The following SFMBT2 variants were observed in gnomAD, a reference collection of about 807,000 sequenced individuals.
SFMBT2 encodes the protein scm-like with four MBT domains protein 2.
In SFMBT2, 38 loss-of-function variants were observed where a neutral mutation model predicts 110.1. The observed-to-expected ratio is 0.35, with a 90% CI of 0.27 to 0.45. The LOEUF (loss-of-function observed/expected upper bound fraction) is 0.45, where lower values mean the gene tolerates loss of function less well. SFMBT2 is among the 20% of genes least tolerant of loss of function. The pLI is 1.00. For synonymous variants in SFMBT2, 425 were observed against 425.4 expected, an observed-to-expected ratio of 1.00 and a Z score of 0.01; for missense variants, 1,011 against 1,094.9, an observed-to-expected ratio of 0.92 and a Z score of 1.08.
chr10:7,231,947 A>G (rs1332832829), intron 9 of SFMBT2, among the ~76,000 whole-genome samples: 1 of 152,240 alleles, frequency 6.6e-6, no homozygotes, highest in African/African-American at 2.4e-5. Flanking sequence ...TCATTAATCA[A>G]CAAAGACAGA....
chr10:7,217,861 T>C (rs1229187693), intron 11 of SFMBT2, among the ~76,000 whole-genome samples: 1 of 152,232 alleles, frequency 6.6e-6, no homozygotes, highest in Non-Finnish European at 1.5e-5. Flanking sequence ...GGCCCCATCA[T>C]CATCAGTCAC....
intron 1 of SFMBT2, among the ~76,000 whole-genome samples, chr10:7,388,021 GA>G (rs1845662741): frequency 6.6e-6 from 1 of 151,986 alleles, no homozygotes; most frequent in Non-Finnish European, 1.5e-5. Flanking sequence ...AGACCCTTGG[GA>G]AAAAGTCTAA....
rs1417925338 is a variant in SFMBT2 at position 7,170,496 on chromosome 10, C to A, written c.2544+432G>T. ...GCCAGGTGGCAACTGGGCACCCCAT[C>A]CCACCACTGACCTGGCATCTGAAAG... is the stretch of plus-strand genomic sequence containing the variant. On this transcript the variant is annotated intron_variant, in intron 20 of 20. Transcript: ENST00000397167. The surrounding 1 kb of genome is among the most constrained non-coding windows in gnomAD (Gnocchi z 4.6). Among the ~76,000 whole-genome samples the A allele has an allele frequency of 6.6e-6, 1 of 152,194 alleles. No individual in the cohort carries two copies. The highest frequency in any genetic ancestry group is 1.5e-5 in the Non-Finnish European group (1 of 68,022).
intron 11 of SFMBT2, chr10:7,207,436 A>G (rs4748763): frequency 1.5e-5 from 2 of 137,358 alleles, no homozygotes; most frequent in Non-Finnish European, 2.4e-5. Flanking sequence ...AAAGAAAGAA[A>G]GAAGGAAAGA....
At chr10:7,350,055 C>T (rs995219598) in intron 4 of SFMBT2, among the ~76,000 whole-genome samples, 10 of 152,232 alleles carry the variant, frequency 6.6e-5, no homozygotes, top group South Asian at 2.1e-4. Flanking sequence ...TTCAGGGCCC[C>T]GGGAGGCACT....
intron 4 of SFMBT2, among the ~76,000 whole-genome samples, chr10:7,311,057 AAAAAAACAAAAC>A (rs1397923991): frequency 1.3e-5 from 2 of 149,774 alleles, no homozygotes; most frequent in African/African-American, 5.0e-5. Flanking sequence ...AAAAAAAAAA[AAAAAAACAAAAC>A]AAAAACAAAA....
chr10:7,208,720 T>A, intron 11 of SFMBT2, among the ~76,000 whole-genome samples: 1 of 152,066 alleles, frequency 6.6e-6, no homozygotes, highest in Non-Finnish European at 1.5e-5. Context: ...AAAGTAACTT[T>A]ATGGCTTATT....
At chr10:7,202,442 G>A (rs747658938) in intron 13 of SFMBT2, 38 bp downstream of exon 13, 54 of 1,611,990 alleles carry the variant, frequency 3.3e-5, no homozygotes, top group Middle Eastern at 1.6e-4. Context: ...ACAGTTTATC[G>A]GTATACAGTG....
intron 2 of SFMBT2, among the ~76,000 whole-genome samples, chr10:7,377,616 A>C (rs1357378430): frequency 6.6e-6 from 1 of 152,120 alleles, no homozygotes; most frequent in Non-Finnish European, 1.5e-5. Flanking sequence ...TCTCATAAGG[A>C]CCGTGCAACC....
chr10:7,403,375 G>A (rs948912841), intron 1 of SFMBT2, among the ~76,000 whole-genome samples: 8 of 152,218 alleles, frequency 5.3e-5, no homozygotes, highest in Non-Finnish European at 1.2e-4. Flanking sequence ...AGGCATGGTT[G>A]CTCACACCTG....
chr10:7,184,386 T>C (rs546344750), intron 16 of SFMBT2, among the ~76,000 whole-genome samples: 11 of 152,110 alleles, frequency 7.2e-5, no homozygotes, highest in Non-Finnish European at 1.5e-4. Context: ...TTGATTCTCA[T>C]TCTCTTCTCT....
Position 7,272,484 on chromosome 10 carries a change from C to T in SFMBT2, c.870+4408G>A, listed in dbSNP as rs185129479. Among the ~76,000 whole-genome samples, 493 of 152,292 alleles carry T rather than the reference C, an allele frequency of 3.2e-3. 4 individuals are homozygous for T. Among genetic ancestry groups the T allele is most frequent in the African/African-American group, 0.011 (466 of 41,568 alleles). The stretch of plus-strand genomic sequence containing the variant: ...TCCGAAACCGGGGGGTTGACAGGAG[C>T]TTAAGATATAAGCATGGGGAGGTGA... On this transcript the variant is annotated intron_variant, in intron 7 of 20. Coordinates refer to ENST00000397167, the MANE Select transcript of SFMBT2 (RefSeq NM_001387889.1).
intron 16 of SFMBT2, among the ~76,000 whole-genome samples, chr10:7,182,284 C>T (rs540990788): frequency 6.0e-4 from 91 of 152,290 alleles, no homozygotes; most frequent in South Asian, 2.5e-3. Context: ...GTGATCCTCC[C>T]GCCTCAGCCT....
At chr10:7,310,322 G>A (rs923129579) in intron 4 of SFMBT2, among the ~76,000 whole-genome samples, 1 of 152,218 alleles carries the variant, frequency 6.6e-6, no homozygotes, top group East Asian at 1.9e-4. Context: ...AATGCCAGGC[G>A]CTGAGAACTC....
At chr10:7,265,406 T>G (rs1841354360) in intron 7 of SFMBT2, among the ~76,000 whole-genome samples, 1 of 152,116 alleles carries the variant, frequency 6.6e-6, no homozygotes, top group Admixed American at 6.5e-5. Context: ...TTCACCATGT[T>G]GCCCAGGCTG....
chr10:7,207,096 G>A (rs1307770883), intron 11 of SFMBT2: 1 of 169,182 alleles, frequency 5.9e-6, no homozygotes, highest in Non-Finnish European at 1.2e-5. Flanking sequence ...ATGGTAGCAT[G>A]CACCAGTAGT....
intron 11 of SFMBT2, among the ~76,000 whole-genome samples, chr10:7,208,962 T>C (rs1839243627): frequency 6.6e-6 from 1 of 152,162 alleles, no homozygotes. Context: ...TTATGCCTTC[T>C]CCCACCCCAA....
At chr10:7,270,298 G>T (rs989302829) in intron 7 of SFMBT2, among the ~76,000 whole-genome samples, 1 of 152,148 alleles carries the variant, frequency 6.6e-6, no homozygotes, top group Non-Finnish European at 1.5e-5. Flanking sequence ...CTTCAGGGGA[G>T]TGTGGTCCTG....
At position 7,160,672 on chromosome 10, in the gene SFMBT2, C is replaced by A. The variant is rs1231446929; in HGVS notation, c.*3098G>T. ...TGGCATCGGGGCACGCATGTCAAAT[C>A]CACTTTTTCTGGCAAAAGCAACAAG... On this transcript the variant is annotated 3_prime_UTR_variant, in exon 21 of 21. Transcript: ENST00000397167. 1 of 152,248 alleles carries A rather than the reference C, an allele frequency of 6.6e-6. No homozygotes were observed. Among genetic ancestry groups the A allele is most frequent in the African/African-American group, 2.4e-5 (1 of 41,452 alleles). 9.4% of individuals were successfully genotyped at this position (152,248 alleles called of 1,614,324 possible).
Sources: gnomAD v4.1 joint callset for allele counts (sites outside exome capture counted in the v4.1 genomes callset) on GRCh38, gnomAD v4.1.1 for gene constraint, Gnocchi (gnomAD v3.1) non-coding constraint, MANE v1.5 for transcripts, NCBI Gene and HGNC (gene_info 2026-07-23, HGNC 2026-07-21) for gene names.